NELL1: variants seen among roughly 807,000 people sequenced by gnomAD.
The protein encoded by NELL1 is neural EGFL like 1.
NELL1 carries 76 observed loss-of-function variants against 107.4 expected under a neutral mutation model. That is an observed-to-expected ratio of 0.71 (90% CI 0.59 to 0.86). The LOEUF (loss-of-function observed/expected upper bound fraction) is 0.86. Ranked by LOEUF, NELL1 falls within the 40% of genes least tolerant of loss-of-function variation. The pLI is 0.00. For synonymous variants in NELL1, 353 were observed against 341.2 expected (o/e 1.03, Z -0.38); for missense variants, 1,024 against 1,005.5 (o/e 1.02, Z -0.25).
chr11:20,941,138 CA>C (rs920591141), intron 10 of NELL1, among the ~76,000 whole-genome samples: 1 of 151,448 alleles, frequency 6.6e-6, no homozygotes, highest in Admixed American at 6.6e-5. Flanking sequence ...GACGCCATCT[CA>C]AAAAAAAGTA....
intron 5 of NELL1, among the ~76,000 whole-genome samples, chr11:20,905,928 C>T (rs1268735873): frequency 6.6e-6 from 1 of 151,988 alleles, no homozygotes; most frequent in Non-Finnish European, 1.5e-5. Flanking sequence ...TCTATGTATC[C>T]AAGAAGTTTA....
At chr11:20,772,901 T>G (rs2133970545) in intron 2 of NELL1, among the ~76,000 whole-genome samples, 1 of 152,340 alleles carries the variant, frequency 6.6e-6, no homozygotes, top group Admixed American at 6.5e-5. Context: ...GAGATAGCAA[T>G]GCTGACACCA....
intron 11 of NELL1, among the ~76,000 whole-genome samples, chr11:20,951,962 T>A (rs1213177627): frequency 6.6e-6 from 1 of 151,928 alleles, no homozygotes; most frequent in Non-Finnish European, 1.5e-5. Context: ...GAATAACATC[T>A]GGGCTCCTGC....
chr11:21,554,165 G>GGGGGTTTCCC (rs1318086086), intron 16 of NELL1, among the ~76,000 whole-genome samples: 1 of 151,786 alleles, frequency 6.6e-6, no homozygotes, highest in Non-Finnish European at 1.5e-5. Flanking sequence ...TTAATCACTG[G>GGGGGTTTCCC]TTAAAGAAGT....
chr11:21,542,789 G>T (rs189971791), intron 16 of NELL1, among the ~76,000 whole-genome samples: 1 of 151,858 alleles, frequency 6.6e-6, no homozygotes, highest in Non-Finnish European at 1.5e-5. Flanking sequence ...AAAGCAATTA[G>T]AATAGTATAT....
At chr11:21,328,988 A>G (rs1850211082) in intron 14 of NELL1, among the ~76,000 whole-genome samples, 1 of 152,144 alleles carries the variant, frequency 6.6e-6, no homozygotes, top group Non-Finnish European at 1.5e-5. Context: ...CTTGTATCAG[A>G]TAAGACTATG....
intron 7 of NELL1, among the ~76,000 whole-genome samples, chr11:20,924,137 T>A (rs1411355399): frequency 6.6e-6 from 1 of 152,164 alleles, no homozygotes; most frequent in African/African-American, 2.4e-5. Flanking sequence ...AGTATAGAAA[T>A]AGCTTTTGAA....
At chr11:20,796,046 C>G (rs1341091339) in intron 3 of NELL1, among the ~76,000 whole-genome samples, 1 of 152,084 alleles carries the variant, frequency 6.6e-6, no homozygotes, top group Non-Finnish European at 1.5e-5. Flanking sequence ...TCATACATCT[C>G]GTATATCAAG....
intron 12 of NELL1, among the ~76,000 whole-genome samples, chr11:20,982,492 A>G (rs1851769407): frequency 1.3e-5 from 2 of 152,184 alleles, no homozygotes; most frequent in African/African-American, 4.8e-5. Context: ...TGGCTATGTG[A>G]TCAAAACCCC....
chr11:21,142,174 A>G (rs1229570509), intron 13 of NELL1, among the ~76,000 whole-genome samples: 1 of 152,156 alleles, frequency 6.6e-6, no homozygotes, highest in Non-Finnish European at 1.5e-5. Context: ...TCCCTATAAA[A>G]TTCTACCAGC....
intron 16 of NELL1, among the ~76,000 whole-genome samples, chr11:21,545,588 C>A (rs1856421521): frequency 6.6e-6 from 1 of 151,984 alleles, no homozygotes; most frequent in East Asian, 1.9e-4. Context: ...AAACAAGCAA[C>A]AGGAGAAGCT....
intron 16 of NELL1, among the ~76,000 whole-genome samples, chr11:21,541,268 G>T (rs1364506563): frequency 1.3e-5 from 2 of 152,226 alleles, no homozygotes; most frequent in African/African-American, 2.4e-5. Flanking sequence ...ATAGCACTTA[G>T]TTGGGTGAAG....
chr11:21,336,647 G>GTATATATATATA (rs1350044303), intron 14 of NELL1, among the ~76,000 whole-genome samples: 14 of 70,700 alleles, frequency 2.0e-4, no homozygotes, highest in African/African-American at 5.4e-4. Context: ...CTTCATATGT[G>GTATATATATATA]TGTGTATATA....
intron 13 of NELL1, among the ~76,000 whole-genome samples, chr11:21,166,739 AAATG>A (rs1324460160): frequency 2.6e-5 from 4 of 152,014 alleles, no homozygotes; most frequent in African/African-American, 9.7e-5. Context: ...AAATGAAAGA[AAATG>A]AAAGGAAAAA....
chr11:21,467,967 T>G (rs1205188597), intron 15 of NELL1, among the ~76,000 whole-genome samples: 1 of 152,062 alleles, frequency 6.6e-6, no homozygotes, highest in East Asian at 1.9e-4. Context: ...GGACTGAGAT[T>G]CTCAAAATAT....
chr11:21,251,793 T>C (rs1858644795), intron 14 of NELL1, among the ~76,000 whole-genome samples: 1 of 152,014 alleles, frequency 6.6e-6, no homozygotes, highest in Non-Finnish European at 1.5e-5. Context: ...TGAAGAAGAC[T>C]TTGGAGTTGG....
intron 14 of NELL1, among the ~76,000 whole-genome samples, chr11:21,351,541 C>CT (rs779665898): frequency 6.7e-6 from 1 of 149,506 alleles, no homozygotes; most frequent in Non-Finnish European, 1.5e-5. Context: ...AAAAAAGAAA[C>CT]TTTTTAAATT....
intron 15 of NELL1, among the ~76,000 whole-genome samples, chr11:21,470,260 C>G (rs1854141606): frequency 6.6e-6 from 1 of 151,988 alleles, no homozygotes; most frequent in South Asian, 2.1e-4. Context: ...AAATACTTTT[C>G]TAATTAAAAA....
chr11:21,163,930 A>G (rs1033830152), intron 13 of NELL1, among the ~76,000 whole-genome samples: 1 of 152,146 alleles, frequency 6.6e-6, no homozygotes, highest in Admixed American at 6.6e-5. Context: ...GCAGTCTCTA[A>G]CATTCATAAG....
Sources: allele counts gnomAD v4.1 joint callset (sites outside exome capture counted in the v4.1 genomes callset), GRCh38; gene constraint gnomAD v4.1.1; transcripts MANE v1.5; gene names NCBI Gene and HGNC (gene_info 2026-07-23, HGNC 2026-07-21).